The following C1GALT1 variants were observed in gnomAD, a reference collection of about 807,000 sequenced individuals.
The protein encoded by C1GALT1 is glycoprotein-N-acetylgalactosamine 3-beta-galactosyltransferase 1.
C1GALT1 carries 11 observed loss-of-function variants against 31.0 expected under a neutral mutation model. The observed-to-expected ratio is 0.36, with a 90% CI of 0.22 to 0.59. The LOEUF (loss-of-function observed/expected upper bound fraction) is 0.59, where lower values mean the gene tolerates loss of function less well. Ranked by LOEUF, C1GALT1 falls within the 20% of genes least tolerant of loss-of-function variation. C1GALT1 has a pLI of 0.79. For missense variants in C1GALT1, 424 were observed against 425.2 expected, an observed-to-expected ratio of 1.00 and a Z score of 0.03; for synonymous variants, 175 against 143.6, an observed-to-expected ratio of 1.22 and a Z score of -1.56.
At chr7:7,195,957 A>C (rs1375822517) in intron 1 of C1GALT1, among the ~76,000 whole-genome samples, 1 of 152,118 alleles carries the variant, frequency 6.6e-6, no homozygotes, top group East Asian at 1.9e-4. Flanking sequence ...GTTGCTTTCA[A>C]GTCTGTTTCG....
intron 1 of C1GALT1, among the ~76,000 whole-genome samples, chr7:7,195,743 A>T (rs1781257554): frequency 6.6e-6 from 1 of 152,076 alleles, no homozygotes; most frequent in Non-Finnish European, 1.5e-5. Flanking sequence ...TGTCCTGATG[A>T]CTTGTCTAGT....
chr7:7,218,820 C>G (rs1782371748), intron 1 of C1GALT1, among the ~76,000 whole-genome samples: 1 of 151,386 alleles, frequency 6.6e-6, no homozygotes, highest in South Asian at 2.1e-4. Flanking sequence ...TGGTATACAT[C>G]TCAAACCGTG....
chr7:7,235,733 A>G (rs1470229496), intron 2 of C1GALT1, among the ~76,000 whole-genome samples: 1 of 151,482 alleles, frequency 6.6e-6, no homozygotes, highest in Non-Finnish European at 1.5e-5. Flanking sequence ...TTTCCTTCCT[A>G]CTCCTAGAAG....
At chr7:7,212,454 A>AATGCAC (rs1782048706) in intron 1 of C1GALT1, among the ~76,000 whole-genome samples, 1 of 152,236 alleles carries the variant, frequency 6.6e-6, no homozygotes, top group South Asian at 2.1e-4. Flanking sequence ...GCAAACAACT[A>AATGCAC]TATTGCCATA....
intron 1 of C1GALT1, among the ~76,000 whole-genome samples, chr7:7,183,113 G>A (rs1395595262): frequency 1.3e-5 from 2 of 152,056 alleles, no homozygotes; most frequent in African/African-American, 4.8e-5. Context: ...CCTTGTGCCC[G>A]CTCGCGCCCC....
At chr7:7,223,205 C>T (rs1261096196) in intron 1 of C1GALT1, among the ~76,000 whole-genome samples, 1 of 152,166 alleles carries the variant, frequency 6.6e-6, no homozygotes, top group East Asian at 1.9e-4. Context: ...GTCACCCAGG[C>T]TGGAGTACAG....
chr7:7,220,187 A>G (rs1782447126), intron 1 of C1GALT1, among the ~76,000 whole-genome samples: 1 of 152,250 alleles, frequency 6.6e-6, no homozygotes, highest in Non-Finnish European at 1.5e-5. Context: ...AGCAATTAAA[A>G]TTAATAGGAA....
At chr7:7,235,396 A>AT (rs1783289403) in intron 2 of C1GALT1, 1 of 152,190 alleles carries the variant, frequency 6.6e-6, no homozygotes, top group Non-Finnish European at 1.5e-5. Context: ...GCCTGGTTCC[A>AT]TTTTATCAAC....
At chr7:7,164,717 C>A (rs1780374205) in intron 2 of C1GALT1, among the ~76,000 whole-genome samples, 1 of 152,064 alleles carries the variant, frequency 6.6e-6, no homozygotes, top group African/African-American at 2.4e-5. Flanking sequence ...ATTTTTAATA[C>A]CCCTATGTTG....
At chr7:7,209,678 C>A (rs544485543) in intron 1 of C1GALT1, 1 of 152,286 alleles carries the variant, frequency 6.6e-6, no homozygotes, top group South Asian at 2.1e-4. Context: ...AGAAAGTTTT[C>A]AGTGTGATAA....
chr7:7,200,902 C>G (rs543416075), intron 1 of C1GALT1, among the ~76,000 whole-genome samples: 8 of 152,314 alleles, frequency 5.3e-5, no homozygotes, highest in African/African-American at 1.9e-4. Flanking sequence ...TTCATCTAAT[C>G]TTTTTTCAAG....
intron 1 of C1GALT1, among the ~76,000 whole-genome samples, chr7:7,227,592 C>T (rs1005720591): frequency 3.3e-5 from 5 of 151,068 alleles, no homozygotes; most frequent in East Asian, 3.9e-4. Flanking sequence ...TAGTGGCGGG[C>T]GCCTGTAGTC....
At chr7:7,225,452 A>G (rs528852576) in intron 1 of C1GALT1, among the ~76,000 whole-genome samples, 41 of 152,348 alleles carry the variant, frequency 2.7e-4, no homozygotes, top group African/African-American at 9.9e-4. Flanking sequence ...TTGGCAGCTT[A>G]CATCTGCTTA....
In C1GALT1 at chr7:7,198,757, T is replaced by C. The variant is rs187591229; in HGVS notation, c.-18+15937T>C. ...GGGATCCACCTTCTTCCTGCTTTAG[T>C]CTTGGGAGGGTGTATGTGTCCAGGA... On this transcript the variant is annotated intron_variant, in intron 1 of 3. Transcript: ENST00000436587. 1.7e-3 allele frequency among the ~76,000 whole-genome samples: 255 copies of C among 152,356 alleles called. 1 individual carries two copies. The highest frequency in any genetic ancestry group is 5.9e-3 in the African/African-American group (244 of 41,580).
intron 2 of C1GALT1, among the ~76,000 whole-genome samples, chr7:7,166,551 T>C (rs1780394941): frequency 6.6e-6 from 1 of 152,140 alleles, no homozygotes; most frequent in Non-Finnish European, 1.5e-5. Context: ...GATACATTCA[T>C]TATCTTGACT....
chr7:7,162,530 G>C (rs1057165106), intron 2 of C1GALT1, among the ~76,000 whole-genome samples: 2 of 151,442 alleles, frequency 1.3e-5, no homozygotes, highest in African/African-American at 4.9e-5. Flanking sequence ...GGACATTTGG[G>C]TTGGTTCCAA....
chr7:7,183,593 G>A, intron 1 of C1GALT1: 2 of 984,746 alleles, frequency 2.0e-6, no homozygotes, highest in Non-Finnish European at 2.4e-6. Context: ...CTTTGAATTT[G>A]GGTAAGTCGT....
intron 1 of C1GALT1, chr7:7,210,663 A>T (rs897549112): frequency 1.4e-4 from 22 of 152,288 alleles, no homozygotes; most frequent in African/African-American, 5.3e-4. Flanking sequence ...CACATAGCTC[A>T]TGAAAAAGCT....
At chr7:7,214,580 G>A (rs775454542) in intron 1 of C1GALT1, among the ~76,000 whole-genome samples, 20 of 152,120 alleles carry the variant, frequency 1.3e-4, no homozygotes, top group Admixed American at 1.1e-3. Flanking sequence ...TCGAACTTTC[G>A]AAAGTAACCT....
Sources: gnomAD v4.1 joint callset for allele counts (sites outside exome capture counted in the v4.1 genomes callset) on GRCh38, gnomAD v4.1.1 for gene constraint, MANE v1.5 for transcripts, NCBI Gene and HGNC (gene_info 2026-07-23, HGNC 2026-07-21) for gene names.